Variants in F11 observed in about 807,000 individuals in gnomAD.
F11 encodes the protein coagualtion factor XI.
A neutral mutation model predicts 76.5 loss-of-function variants in F11; 78 were observed. The ratio of observed to expected loss-of-function variants is 1.02; its 90% CI spans 0.85 to 1.23. F11 has a LOEUF of 1.23. Ranked by LOEUF, F11 falls within the 50% of genes most tolerant of loss-of-function variation. The probability of loss-of-function intolerance (pLI) is 0.00; values close to 1 mark genes in which losing one functional copy is unlikely to be tolerated. For synonymous variants in F11, 278 were observed against 276.3 expected, an observed-to-expected ratio of 1.01 and a Z score of -0.06; for missense variants, 742 against 771.4, an observed-to-expected ratio of 0.96 and a Z score of 0.45.
chr4:186,282,835 G>A (rs749798887), intron 10 of F11: 11 of 984,890 alleles, frequency 1.1e-5, no homozygotes, highest in Non-Finnish European at 1.3e-5. Context: ...GTTTCCTTCC[G>A]AACTCCTTCT....
intron 2 of F11, among the ~76,000 whole-genome samples, chr4:186,269,696 A>T (rs1739788517): frequency 6.6e-6 from 1 of 152,214 alleles, no homozygotes; most frequent in African/African-American, 2.4e-5. Flanking sequence ...TTGCACAGCA[A>T]TGTAAATACC....
rs150214239 is a variant in F11, at chr4:186,286,529, T to C, written c.1576+19T>C. The C allele has an allele frequency of 1.5e-4, 248 of 1,612,886 alleles. No individual in the cohort carries two copies. The East Asian group carries it at 5.3e-3, about 34-fold the overall frequency. On this transcript the variant is annotated intron_variant, in intron 13 of 14. Coordinates refer to ENST00000403665, the MANE Select transcript of F11 (RefSeq NM_000128.4). ...CTAAGAGGTAAAAATGATGTTGTTA[T>C]ATGTGCTCCATCCTAGAAATGAAGA...
At position 186,267,039 on chromosome 4, in the gene F11, C is replaced by G; in HGVS notation, c.-1-97C>G. On this transcript the variant is annotated intron_variant, in intron 1 of 14. Coordinates refer to ENST00000403665, the MANE Select transcript of F11 (RefSeq NM_000128.4). ...TGTGAATGCTATTGAATTAACTACTCCCCTCTCTCCCTATTTCTTGTAAGT... is the reference window on the plus strand; with the variant it reads ...TGTGAATGCTATTGAATTAACTACTGCCCTCTCTCCCTATTTCTTGTAAGT... The G allele has an allele frequency of 3.8e-6, 3 of 793,254 alleles. No homozygotes were observed. The East Asian group carries it at 7.5e-5, about 20-fold the overall frequency. The allele number at this position is 793,254 out of a possible 1,614,324, so 49.1% of individuals were successfully genotyped here. A position where few individuals can be genotyped will look rare whatever the true frequency, so the allele number is the denominator to read the frequency against.
chr4:186,272,889 C>T (rs941773765), intron 3 of F11, 182 bp from the exon 4 acceptor site: 1 of 562,294 alleles, frequency 1.8e-6, no homozygotes, highest in Non-Finnish European at 3.2e-6. Context: ...CATGCAGTCT[C>T]TTAAGTGTAG....
chr4:186,273,526 C>T (rs1035007683), intron 4 of F11, among the ~76,000 whole-genome samples: 2 of 151,940 alleles, frequency 1.3e-5, no homozygotes, highest in Non-Finnish European at 2.9e-5. Context: ...AATCACAGCT[C>T]ACTCCAGCCT....
At chr4:186,286,777 G>A (rs1741237267) in intron 13 of F11, 1 of 890,626 alleles carries the variant, frequency 1.1e-6, no homozygotes. Context: ...TTCAGTAAAT[G>A]TTCTAGCCTG....
chr4:186,280,386 G>C lies in F11; in HGVS notation c.1028+1G>C, dbSNP rs1316806485. On this transcript the variant is annotated splice_donor_variant, in intron 9 of 14. Coordinates refer to ENST00000403665, the MANE Select transcript of F11 (RefSeq NM_000128.4). LOFTEE classifies it high-confidence loss of function. Reference sequence around the variant, plus strand: ...CCCAAGCATCCTGCAACGAAGGGAAGTAAGCCATATGAAGGGTTATGCAGA... The same window carrying C: ...CCCAAGCATCCTGCAACGAAGGGAACTAAGCCATATGAAGGGTTATGCAGA... The C allele has an allele frequency of 6.2e-7, 1 of 1,614,102 alleles. No homozygotes were observed. The highest frequency in any genetic ancestry group is 2.2e-5 in the East Asian group (1 of 44,896).
intron 10 of F11, among the ~76,000 whole-genome samples, chr4:186,283,599 A>G (rs1212497175): frequency 6.6e-6 from 1 of 152,224 alleles, no homozygotes; most frequent in African/African-American, 2.4e-5. Flanking sequence ...GAACTGGACA[A>G]TGGCTGCAGC....
In F11 at chr4:186,287,672, A is replaced by T. The variant is rs780551893; in HGVS notation, c.1577-12A>T. 1 of 1,605,408 alleles carries T rather than the reference A, an allele frequency of 6.2e-7. No individual in the cohort carries two copies. Among genetic ancestry groups the T allele is most frequent in the Non-Finnish European group, 8.5e-7 (1 of 1,174,772 alleles). ...GGTTATTCTACAAACGAACCAAAAA[A>T]ATTTTTTTCAGACAAAATACAAAAT... On this transcript the variant is annotated splice_polypyrimidine_tract_variant and intron_variant, in intron 13 of 14. Transcript: ENST00000403665.
chr4:186,274,733 T>C (rs1740241124), intron 5 of F11: 1 of 197,630 alleles, frequency 5.1e-6, no homozygotes. Context: ...ATTTCAAGGA[T>C]AAATCTATCA....
At position 186,284,114 on chromosome 4, in the gene F11, C is replaced by G. The variant is rs1740996270; in HGVS notation, c.1158C>G (p.Pro386=). The part of the protein sequence containing the change: ...MDNECTTKIK[P]RIVGGTASVR... ...CAGAGTGTACCACCAAAATCAAGCC[C>G]AGGATCGTTGGAGGAACTGCGTCTG... Residue 386 remains proline, a synonymous_variant, in exon 11 of 15, where the codon CCC becomes CCG. Transcript: ENST00000403665. The G allele has an allele frequency of 2.5e-6, 4 of 1,614,058 alleles. No homozygotes were observed. The highest frequency in any genetic ancestry group is 2.2e-5 in the South Asian group (2 of 91,088).
In F11 at chr4:186,280,731, T is replaced by C. The variant is rs1740736926; in HGVS notation, c.1135+151T>C. 1.6e-4 allele frequency: 114 copies of C among 711,006 alleles called. No individual in the cohort carries two copies. The South Asian group carries it at 1.8e-3, about 11-fold the overall frequency. 44.0% of individuals were successfully genotyped at this position (711,006 alleles called of 1,614,324 possible). A position where few individuals can be genotyped will look rare whatever the true frequency, so the allele number is the denominator to read the frequency against. On this transcript the variant is annotated intron_variant, in intron 10 of 14. Transcript: ENST00000403665. ...TTTCTATTATTTTCACTCCTGTCAC[T>C]CAAGCTGACCATGTTTTAAAGGTAA...
At chr4:186,271,552 A>G (rs2126719713) in intron 2 of F11, 57 bp from the exon 3 acceptor site, 3 of 1,592,934 alleles carry the variant, frequency 1.9e-6, no homozygotes, top group East Asian at 4.5e-5. Flanking sequence ...ATTACCACCT[A>G]ACTAGATGTA....
At chr4:186,283,601 G>A (rs2126770713) in intron 10 of F11, among the ~76,000 whole-genome samples, 1 of 152,318 alleles carries the variant, frequency 6.6e-6, no homozygotes, top group South Asian at 2.1e-4. Flanking sequence ...ACTGGACAAT[G>A]GCTGCAGCCT....
chr4:186,275,219 G>A (rs1276395870), intron 5 of F11: 5 of 456,098 alleles, frequency 1.1e-5, no homozygotes, highest in Non-Finnish European at 2.2e-5. Flanking sequence ...AGCCAGGCGC[G>A]GTGGCTCACA....
intron 2 of F11, among the ~76,000 whole-genome samples, chr4:186,267,925 A>T (rs1044707977): frequency 1.3e-5 from 2 of 152,208 alleles, no homozygotes; most frequent in African/African-American, 4.8e-5. Context: ...CACAGCTCAT[A>T]ATTTCAATTT....
intron 2 of F11, among the ~76,000 whole-genome samples, chr4:186,270,120 A>G (rs1310410947): frequency 6.6e-6 from 1 of 152,232 alleles, no homozygotes; most frequent in Non-Finnish European, 1.5e-5. Context: ...AGATGATGTG[A>G]TTGAGTACCT....
At chr4:186,276,836 G>C (rs540460077) in intron 7 of F11, among the ~76,000 whole-genome samples, 18 of 152,106 alleles carry the variant, frequency 1.2e-4, no homozygotes, top group African/African-American at 4.3e-4. Flanking sequence ...TGATCCACCT[G>C]CCTCGGCCTC....
rs1740381493 is a variant in F11 at position 186,276,352 on chromosome 4, T to A, written c.717T>A (p.Phe239Leu). Residue 239 changes from phenylalanine to leucine, a missense_variant, in exon 7 of 15, where the codon TTT (phenylalanine) becomes TTA (leucine). By Grantham distance (22) the Phe-to-Leu change is conservative (BLOSUM62 0). Coordinates refer to ENST00000403665, the MANE Select transcript of F11 (RefSeq NM_000128.4). ...ICTHHPGCLF[F>L]TFFSQEWPKE... ...CTCATCATCCCGGTTGCTTGTTTTT[T>A]ACCTTCTTTTCCCAGGAATGGCCCA... 6.2e-7 allele frequency: 1 copy of A among 1,614,048 alleles called. No individual in the cohort carries two copies. Among genetic ancestry groups the A allele is most frequent in the African/African-American group, 1.3e-5 (1 of 74,920 alleles).
Sources: gnomAD v4.1 joint callset for allele counts (sites outside exome capture counted in the v4.1 genomes callset) on GRCh38, gnomAD v4.1.1 for gene constraint, MANE v1.5 for transcripts, NCBI Gene and HGNC (gene_info 2026-07-23, HGNC 2026-07-21) for gene names.